PGM1: variants seen among roughly 807,000 people sequenced by gnomAD.
PGM1 encodes phosphoglucomutase-1.
PGM1 carries 52 observed loss-of-function variants against 55.6 expected under a neutral mutation model. The ratio of observed to expected loss-of-function variants is 0.94; its 90% CI spans 0.75 to 1.18. PGM1 has a LOEUF of 1.18. Ranked by LOEUF, PGM1 falls within the 50% of genes most tolerant of loss-of-function variation. PGM1 has a pLI of 0.00. For missense variants in PGM1, 724 were observed against 729.3 expected (o/e 0.99, Z 0.08); for synonymous variants, 287 against 271.7 (o/e 1.06, Z -0.55).
At position 63,605,788 on chromosome 1, in the gene PGM1, TCTCCAG is replaced by T. The variant is rs3054043; in HGVS notation, c.246+12057_246+12062del. ...GGTTTTGCCATGTTGCCCAAGCTGG[TCTCCAG>T]CTTCTGAGCTCAAGCAATCCACCCA... On this transcript the variant is annotated intron_variant, in intron 1 of 10. Coordinates refer to ENST00000371084, the MANE Select transcript of PGM1 (RefSeq NM_002633.3). 1.0e-2 allele frequency among the ~76,000 whole-genome samples: 1,519 copies of T among 152,178 alleles called. 25 individuals are homozygous for T. Among genetic ancestry groups the T allele is most frequent in the African/African-American group, 0.034 (1,409 of 41,490 alleles).
chr1:63,659,585 G>A lies in PGM1; in HGVS notation c.1600-1G>A. 2 of 1,613,140 alleles carry A rather than the reference G, an allele frequency of 1.2e-6. No homozygotes were observed. Among genetic ancestry groups the A allele is most frequent in the Non-Finnish European group, 8.5e-7 (1 of 1,179,202 alleles). ...AAAGCTTCTCTCTATGTCTTCCTCAGGTCATGTTGGCCCCCCTTATTTCCA... is the reference window on the plus strand; with the variant it reads ...AAAGCTTCTCTCTATGTCTTCCTCAAGTCATGTTGGCCCCCCTTATTTCCA... On this transcript the variant is annotated splice_acceptor_variant, in intron 10 of 10. Transcript: ENST00000371084. LOFTEE classifies it high-confidence loss of function.
At chr1:63,622,735 TC>T (rs1648915241) in intron 1 of PGM1, among the ~76,000 whole-genome samples, 1 of 152,232 alleles carries the variant, frequency 6.6e-6, no homozygotes, top group African/African-American at 2.4e-5. Context: ...AACACTGTTT[TC>T]TTAAATCTTT....
At chr1:63,651,974 T>G in intron 9 of PGM1, 122 bp downstream of exon 9, 1 of 906,524 alleles carries the variant, frequency 1.1e-6, no homozygotes, top group South Asian at 1.4e-5. Flanking sequence ...TTTTCTAGGG[T>G]AGCTGTTCTT....
intron 4 of PGM1, among the ~76,000 whole-genome samples, chr1:63,632,754 T>C (rs1405533773): frequency 6.6e-6 from 1 of 152,202 alleles, no homozygotes; most frequent in Non-Finnish European, 1.5e-5. Flanking sequence ...GGCTCACACC[T>C]GTAATCCCAA....
At chr1:63,645,489 C>T (rs918064418) in intron 7 of PGM1, among the ~76,000 whole-genome samples, 9 of 152,178 alleles carry the variant, frequency 5.9e-5, no homozygotes, top group African/African-American at 1.7e-4. Flanking sequence ...ATTAGGGAAG[C>T]TGCCAGAATC....
At chr1:63,639,641 A>G (rs904841000) in intron 7 of PGM1, among the ~76,000 whole-genome samples, 2 of 151,966 alleles carry the variant, frequency 1.3e-5, no homozygotes, top group African/African-American at 4.8e-5. Flanking sequence ...CCTCTACCCA[A>G]TATTTTTAAG....
At chr1:63,639,518 G>A (rs1649458551) in intron 7 of PGM1, among the ~76,000 whole-genome samples, 1 of 151,938 alleles carries the variant, frequency 6.6e-6, no homozygotes, top group South Asian at 2.1e-4. Context: ...CATGCTGCCT[G>A]TATCAGTCTC....
At chr1:63,594,788 CAAAAAAAAAAA>C (rs34661751) in intron 1 of PGM1, among the ~76,000 whole-genome samples, 19 of 90,528 alleles carry the variant, frequency 2.1e-4, no homozygotes, top group Admixed American at 1.1e-3. Context: ...CTAAAAAATA[CAAAAAAAAAAA>C]AAAAAAAAAA....
Position 63,593,519 on chromosome 1 carries a change from G to T in PGM1, c.31G>T (p.Ala11Ser). The T allele has an allele frequency of 3.7e-6, 6 of 1,613,850 alleles. No individual in the cohort carries two copies. The highest frequency in any genetic ancestry group is 5.1e-6 in the Non-Finnish European group (6 of 1,179,922). ...GAAGATCGTGACAGTTAAGACCCAG[G>T]CGTACCAGGACCAGAAGCCGGGCAC... MVKIVTVKTQ[A>S]YQDQKPGTSG... The change falls in exon 1 of 11, where the codon GCG becomes TCG. Residue 11 changes from alanine to serine, a missense_variant. Around this residue, in one of 3 missense-constraint regions of PGM1, gnomAD observed 379 missense variants for 357.5 expected, o/e 1.06. Transcript: ENST00000371084.
chr1:63,646,672 C>G (rs940980481), intron 7 of PGM1, among the ~76,000 whole-genome samples: 3 of 152,146 alleles, frequency 2.0e-5, no homozygotes, highest in African/African-American at 7.2e-5. Flanking sequence ...CCCTTTTATT[C>G]TCCTGGCACT....
chr1:63,627,057 C>CA (rs1649038447), intron 1 of PGM1, among the ~76,000 whole-genome samples: 1 of 119,708 alleles, frequency 8.4e-6, no homozygotes, highest in Non-Finnish European at 1.8e-5. Context: ...GGCAGGACCC[C>CA]CCCCCCCCCA....
At chr1:63,607,362 TC>T (rs1648450190) in intron 1 of PGM1, among the ~76,000 whole-genome samples, 1 of 152,150 alleles carries the variant, frequency 6.6e-6, no homozygotes, top group Admixed American at 6.5e-5. Context: ...GTTAAAGATG[TC>T]CTCATTCGCA....
chr1:63,657,451 T>C (rs1570521585), intron 10 of PGM1, among the ~76,000 whole-genome samples: 1 of 152,226 alleles, frequency 6.6e-6, no homozygotes, highest in Non-Finnish European at 1.5e-5. Flanking sequence ...GATTAACTTT[T>C]CAGAATAAGC....
At chr1:63,625,043 G>T (rs1344755774) in intron 1 of PGM1, among the ~76,000 whole-genome samples, 1 of 152,162 alleles carries the variant, frequency 6.6e-6, no homozygotes, top group Non-Finnish European at 1.5e-5. Context: ...GTATTAAGAT[G>T]CTTTTAATCT....
chr1:63,602,839 G>T (rs1648283050), intron 1 of PGM1, among the ~76,000 whole-genome samples: 1 of 152,188 alleles, frequency 6.6e-6, no homozygotes, highest in South Asian at 2.1e-4. Context: ...GACTTAAGGT[G>T]AAGGTTTGTG....
intron 1 of PGM1, among the ~76,000 whole-genome samples, chr1:63,615,389 C>T (rs943811650): frequency 6.6e-6 from 1 of 152,076 alleles, no homozygotes; most frequent in Non-Finnish European, 1.5e-5. Context: ...CTCTGGCTTA[C>T]AAGGACCCCA....
chr1:63,640,670 G>A (rs1649491977), intron 7 of PGM1, among the ~76,000 whole-genome samples: 1 of 152,144 alleles, frequency 6.6e-6, no homozygotes, highest in Admixed American at 6.5e-5. Context: ...TGACCCACAG[G>A]GAACAGGCCT....
At chr1:63,607,467 T>C (rs558215430) in intron 1 of PGM1, among the ~76,000 whole-genome samples, 1 of 152,156 alleles carries the variant, frequency 6.6e-6, no homozygotes, top group African/African-American at 2.4e-5. Flanking sequence ...GAAAAAGAGA[T>C]GGTCATGGGA....
At chr1:63,615,328 T>A (rs1648679430) in intron 1 of PGM1, among the ~76,000 whole-genome samples, 1 of 152,174 alleles carries the variant, frequency 6.6e-6, no homozygotes, top group Non-Finnish European at 1.5e-5. Context: ...CTTTCCTCAT[T>A]TACTTTCAGA....
Sources: allele counts gnomAD v4.1 joint callset (sites outside exome capture counted in the v4.1 genomes callset), GRCh38; gene constraint gnomAD v4.1.1; regional missense constraint gnomAD v4.1.1; transcripts MANE v1.5; gene names NCBI Gene and HGNC (gene_info 2026-07-23, HGNC 2026-07-21).